GAB4: variants seen among roughly 807,000 people sequenced by gnomAD.
GAB4 encodes GRB2 associated binding protein family member 4, also known as GRB2-associated-binding protein 4.
Under a neutral mutation model 51.3 loss-of-function variants are expected in GAB4, and 26 were observed. The observed-to-expected ratio is 0.51, with a 90% CI of 0.37 to 0.70. The LOEUF is 0.70. GAB4 is among the 30% of genes least tolerant of loss of function. GAB4 has a pLI of 0.00. For synonymous variants in GAB4, 329 were observed against 291.2 expected (o/e 1.13, Z -1.32); for missense variants, 759 against 734.6 (o/e 1.03, Z -0.38).
intron 3 of GAB4, 116 bp from the exon 4 acceptor site, chr22:16,970,309 G>A: frequency 2.5e-6 from 3 of 1,187,382 alleles, no homozygotes; most frequent in South Asian, 1.5e-5. Context: ...GAAAACACAG[G>A]AAGAGGAATT....
At chr22:16,985,360 G>C (rs1042822930) in intron 3 of GAB4, among the ~76,000 whole-genome samples, 1 of 152,190 alleles carries the variant, frequency 6.6e-6, no homozygotes, top group African/African-American at 2.4e-5. Flanking sequence ...CATACGGCTA[G>C]TAATTTTTCA....
intron 3 of GAB4, among the ~76,000 whole-genome samples, chr22:16,978,235 A>G (rs1057038868): frequency 1.3e-5 from 2 of 152,208 alleles, no homozygotes; most frequent in Non-Finnish European, 2.9e-5. Context: ...AAATCGATGA[A>G]TCCACGAGCT....
chr22:16,962,914 T>A, intron 9 of GAB4, 38 bp from the exon 10 acceptor site: 1 of 1,587,678 alleles, frequency 6.3e-7, no homozygotes, highest in Non-Finnish European at 8.6e-7. Flanking sequence ...TGGCAGTGTC[T>A]GTGAGTTCCT....
Position 17,003,754 on chromosome 22 carries a change from A to G in GAB4, c.174+4187T>C, listed in dbSNP as rs556837796. Among the ~76,000 whole-genome samples, 14 of 152,312 alleles carry G rather than the reference A, an allele frequency of 9.2e-5. No individual in the cohort carries two copies. The South Asian group carries it at 2.7e-3, about 29-fold the overall frequency. ...AAAGATCTAAAATTGACACCCTAAC[A>G]TCAAAATTAAAAGAACTAGAGAAGC... is the stretch of plus-strand genomic sequence containing the variant. On this transcript the variant is annotated intron_variant, in intron 1 of 9. Transcript: ENST00000400588.
rs34782558 is a variant in GAB4, at chr22:16,968,316, C to A, written c.1005G>T (p.Glu335Asp). ...NASRPAESMH[E>D]GVCSFLPGRT... ...TACTCACCAGGAAAGAACAGACTCC[C>A]TCATGCATGGACTCAGCAGGCCGGC... Residue 335 changes from glutamate to aspartate, a missense_variant, in exon 5 of 10, where the codon GAG becomes GAT. Glu to Asp is a conservative substitution (Grantham distance 45, BLOSUM62 2). Coordinates refer to ENST00000400588, the MANE Select transcript of GAB4 (RefSeq NM_001037814.1). The A allele has an allele frequency of 1.2e-6, 2 of 1,613,764 alleles. No homozygotes were observed. Among genetic ancestry groups the A allele is most frequent in the Non-Finnish European group, 1.7e-6 (2 of 1,179,674 alleles).
rs913654147 is a variant in GAB4, at chr22:16,962,481, T to C, written c.*252A>G. 4 of 354,100 alleles carry C rather than the reference T, an allele frequency of 1.1e-5. No homozygotes were observed. The highest frequency in any genetic ancestry group is 2.0e-5 in the Non-Finnish European group (4 of 196,076). 21.9% of individuals were successfully genotyped at this position (354,100 alleles called of 1,614,324 possible). A position where few individuals can be genotyped will look rare whatever the true frequency, so the allele number is the denominator to read the frequency against. On this transcript the variant is annotated 3_prime_UTR_variant, in exon 10 of 10. Coordinates refer to ENST00000400588, the MANE Select transcript of GAB4 (RefSeq NM_001037814.1). Reference sequence around the variant, plus strand: ...GAGTAAGTGTGAGAGTGGAAATCTGTTGGGAGCCCGGGTCTGAGGGGCAGG... The same window carrying C: ...GAGTAAGTGTGAGAGTGGAAATCTGCTGGGAGCCCGGGTCTGAGGGGCAGG...
At chr22:16,976,554 G>A (rs1338085181) in intron 3 of GAB4, among the ~76,000 whole-genome samples, 1 of 152,186 alleles carries the variant, frequency 6.6e-6, no homozygotes, top group Non-Finnish European at 1.5e-5. Context: ...TGGTGTATGT[G>A]AAAATGACAG....
intron 1 of GAB4, among the ~76,000 whole-genome samples, chr22:17,001,586 C>A (rs531383060): frequency 1.3e-5 from 2 of 152,160 alleles, no homozygotes; most frequent in Non-Finnish European, 2.9e-5. Context: ...GTTCAAATAT[C>A]CTCCTTTAGC....
chr22:16,992,199 G>C lies in GAB4; in HGVS notation c.175-23C>G. On this transcript the variant is annotated intron_variant, in intron 1 of 9. Transcript: ENST00000400588. ...GGCCTAAGGAAGGAGTAAGAAGAGG[G>C]GAAGCATGCATTTGTTATTACAAAG... 4 of 1,586,418 alleles carry C rather than the reference G, an allele frequency of 2.5e-6. No homozygotes were observed. In the South Asian group the frequency reaches 4.6e-5, roughly 18 times the overall value.
chr22:17,001,149 A>T (rs1262219238), intron 1 of GAB4, among the ~76,000 whole-genome samples: 1 of 152,144 alleles, frequency 6.6e-6, no homozygotes, highest in Non-Finnish European at 1.5e-5. Context: ...TTATCTTTGC[A>T]GCATTCTCTG....
chr22:16,963,126 C>T (rs2060642460), intron 9 of GAB4, among the ~76,000 whole-genome samples: 1 of 152,184 alleles, frequency 6.6e-6, no homozygotes, highest in Admixed American at 6.5e-5. Context: ...CCTTCTCTGG[C>T]CCAAGGACTG....
chr22:17,008,167 TG>T lies in GAB4; in HGVS notation c.-54del. 7.5e-7 allele frequency: 1 copy of T among 1,338,780 alleles called. No homozygotes were observed. 82.9% of individuals were successfully genotyped at this position (1,338,780 alleles called of 1,614,324 possible). A position where few individuals can be genotyped will look rare whatever the true frequency, so the allele number is the denominator to read the frequency against. On this transcript the variant is annotated 5_prime_UTR_variant, in exon 1 of 10. Transcript: ENST00000400588. ...GGGAGACAGGGCGAGAGGGCGTTGC[TG>T]GAGGTGGGGTGTGAGGGACGGCTTG...
intron 2 of GAB4, among the ~76,000 whole-genome samples, chr22:16,991,520 C>T (rs2060913790): frequency 6.6e-6 from 1 of 152,160 alleles, no homozygotes; most frequent in Non-Finnish European, 1.5e-5. Context: ...CAGTAAGAAT[C>T]AAAAAGCAAC....
In GAB4 at chr22:16,962,894, G is replaced by A; in HGVS notation, c.1582-18C>T. 2 of 1,606,042 alleles carry A rather than the reference G, an allele frequency of 1.2e-6. No homozygotes were observed. Among genetic ancestry groups the A allele is most frequent in the Non-Finnish European group, 1.7e-6 (2 of 1,174,538 alleles). On this transcript the variant is annotated intron_variant, in intron 9 of 9. Coordinates refer to ENST00000400588, the MANE Select transcript of GAB4 (RefSeq NM_001037814.1). ...ATGGATGGCTGAGGGACAGAGGGTG[G>A]AAGTGGGAGTGGCAGTGTCTGTGAG...
rs1228706097 is a variant in GAB4, at chr22:16,988,141, T to G, written c.505A>C (p.Ser169Arg). 8 of 1,613,276 alleles carry G rather than the reference T, an allele frequency of 5.0e-6. No homozygotes were observed. The highest frequency in any genetic ancestry group is 5.9e-6 in the Non-Finnish European group (7 of 1,179,564). The change falls in exon 3 of 10, where the codon AGT becomes CGT. Residue 169 changes from serine (S) to arginine (R), a missense_variant. Ser to Arg is a moderately radical substitution (Grantham distance 110). This residue lies in a region of GAB4 where 88 missense variants were observed against 151.3 expected (regional missense o/e 0.58). Transcript: ENST00000400588. ...TGFLGNISSA[S>R]HGLCSSPAEP... ...GCTGGAGAAGAGCAGAGGCCGTGAC[T>G]GGCTGAGGAAATGTTTCCCAGGAAG...
At chr22:16,965,777 G>A (rs555816627) in intron 6 of GAB4, among the ~76,000 whole-genome samples, 2 of 152,228 alleles carry the variant, frequency 1.3e-5, no homozygotes, top group East Asian at 1.9e-4. Context: ...CTTGAACCCC[G>A]TGCTGGGCCA....
rs530987167 is a variant in GAB4, at chr22:16,978,645, A to C, written c.687-8452T>G. 4.6e-5 allele frequency among the ~76,000 whole-genome samples: 7 copies of C among 152,220 alleles called. No homozygotes were observed. The South Asian group carries it at 1.5e-3, about 32-fold the overall frequency. On this transcript the variant is annotated intron_variant, in intron 3 of 9. Transcript: ENST00000400588. ...TCATTCCTTCTGAAACTATTCCAAAAAATAGAAAAAGATGGACTCCTCCCT... is the reference window on the plus strand; with the variant it reads ...TCATTCCTTCTGAAACTATTCCAAACAATAGAAAAAGATGGACTCCTCCCT...
chr22:17,005,866 G>A (rs1168406762), intron 1 of GAB4, among the ~76,000 whole-genome samples: 4 of 151,428 alleles, frequency 2.6e-5, no homozygotes, highest in African/African-American at 9.7e-5. Context: ...GAAGGAGGTC[G>A]GGGTCAAGAT....
intron 3 of GAB4, among the ~76,000 whole-genome samples, chr22:16,972,830 C>A (rs1400246561): frequency 1.3e-5 from 2 of 152,194 alleles, no homozygotes; most frequent in Non-Finnish European, 2.9e-5. Flanking sequence ...CCTGCTATTA[C>A]CTTCCTAACC....
Sources: allele counts gnomAD v4.1 joint callset (sites outside exome capture counted in the v4.1 genomes callset), GRCh38; gene constraint gnomAD v4.1.1; regional missense constraint gnomAD v4.1.1; transcripts MANE v1.5; gene names NCBI Gene and HGNC (gene_info 2026-07-23, HGNC 2026-07-21).